TMEM114: variants seen among roughly 807,000 people sequenced by gnomAD.
The protein encoded by TMEM114 is claudin-26.
A neutral mutation model predicts 6.2 loss-of-function variants in TMEM114; 6 were observed. The observed-to-expected ratio is 0.97, with a 90% CI of 0.53 to 1.91. The LOEUF (loss-of-function observed/expected upper bound fraction) is 1.91. TMEM114 is among the 40% of genes most tolerant of loss of function. The pLI, the probability that TMEM114 is intolerant of heterozygous loss-of-function variation, is 0.01. For synonymous variants in TMEM114, 104 were observed against 73.0 expected (o/e 1.42, Z -2.16); for missense variants, 218 against 158.3 (o/e 1.38, Z -2.02).
chr16:8,577,228 C>G (rs1901970670), intron 2 of TMEM114, among the ~76,000 whole-genome samples: 1 of 152,260 alleles, frequency 6.6e-6, no homozygotes, highest in East Asian at 1.9e-4. Context: ...CTCTGCAGAT[C>G]TAATTGGCCC....
At chr16:8,583,060 C>A (rs756390713) in intron 2 of TMEM114, among the ~76,000 whole-genome samples, 1 of 152,172 alleles carries the variant, frequency 6.6e-6, no homozygotes, top group Admixed American at 6.5e-5. Context: ...TTCTCTATGT[C>A]TCCATTGCCT....
chr16:8,565,849 T>C (rs554428620), downstream of TMEM114, among the ~76,000 whole-genome samples: 1 of 152,284 alleles, frequency 6.6e-6, no homozygotes, highest in African/African-American at 2.4e-5. Context: ...GCCCCAGTGC[T>C]AGCAACTGGT....
At chr16:8,559,639 T>C (rs1901135561) in intron 2 of TMEM114, among the ~76,000 whole-genome samples, 1 of 152,178 alleles carries the variant, frequency 6.6e-6, no homozygotes, top group Non-Finnish European at 1.5e-5. Context: ...GAGTACTCTG[T>C]TAAAAGAAGC....
In TMEM114 at chr16:8,569,835, C is replaced by T. The variant is rs1282635974; in HGVS notation, c.610G>A (p.Ala204Thr). ...TCGCGGGCTGCTGCCAGGAAGGCTG[C>T]CCCGGTGAGCAGCTCGGCGATGAAG... ...ISFIAELLTGAAFLAAARELS... is the reference protein window; with the variant it reads ...ISFIAELLTGTAFLAAARELS... The change falls in exon 4 of 4, where the codon GCA becomes ACA. Residue 204 changes from alanine (A) to threonine (T), a missense_variant. Coordinates refer to ENST00000620492, the MANE Select transcript of TMEM114 (RefSeq NM_001146336.2). 2.5e-5 allele frequency: 39 copies of T among 1,550,850 alleles called. No homozygotes were observed. The highest frequency in any genetic ancestry group is 3.4e-5 in the Non-Finnish European group (39 of 1,146,954).
chr16:8,538,461 A>C (rs563130547), intron 2 of TMEM114, among the ~76,000 whole-genome samples: 43 of 152,076 alleles, frequency 2.8e-4, no homozygotes, highest in Non-Finnish European at 5.0e-4. Flanking sequence ...TGGCTGTATG[A>C]ACCTAGACAA....
At chr16:8,548,870 A>T (rs1900755206) in intron 2 of TMEM114, among the ~76,000 whole-genome samples, 1 of 152,284 alleles carries the variant, frequency 6.6e-6, no homozygotes, top group Non-Finnish European at 1.5e-5. Context: ...AGAGAGATCC[A>T]GTTGTTGCCT....
At chr16:8,549,780 G>C (rs752557727) in intron 2 of TMEM114, among the ~76,000 whole-genome samples, 22 of 152,136 alleles carry the variant, frequency 1.4e-4, no homozygotes, top group Non-Finnish European at 2.9e-4. Context: ...ACTTCTACCT[G>C]TATTAGTCAG....
the TMEM114 span, among the ~76,000 whole-genome samples, chr16:8,529,913 T>C: frequency 1.2e-3 from 180 of 152,292 alleles, 1 homozygote; most frequent in Middle Eastern, 6.8e-3. Flanking sequence ...TATGAATTAG[T>C]ATTTGCACTC....
At chr16:8,558,130 G>A (rs925762525) in intron 2 of TMEM114, among the ~76,000 whole-genome samples, 1 of 152,146 alleles carries the variant, frequency 6.6e-6, no homozygotes, top group Non-Finnish European at 1.5e-5. Context: ...GTGCATGCTT[G>A]TAATCCCAGC....
chr16:8,530,810 GGCC>G, the TMEM114 span, among the ~76,000 whole-genome samples: 1 of 152,090 alleles, frequency 6.6e-6, no homozygotes, highest in Non-Finnish European at 1.5e-5. Context: ...AATTGCTTGA[GGCC>G]AGGAGTTTGA....
intron 2 of TMEM114, among the ~76,000 whole-genome samples, chr16:8,554,835 C>G (rs555008180): frequency 6.6e-6 from 1 of 152,194 alleles, no homozygotes; most frequent in Non-Finnish European, 1.5e-5. Context: ...GATGTTAGTG[C>G]TGTCTTAAGG....
chr16:8,565,124 G>C (rs1313427346), downstream of TMEM114, among the ~76,000 whole-genome samples: 4 of 142,654 alleles, frequency 2.8e-5, no homozygotes, highest in South Asian at 2.2e-4. Flanking sequence ...TGAGTGAGTG[G>C]GTAAGCAAAT....
chr16:8,584,576 A>T (rs1567211606), intron 2 of TMEM114, among the ~76,000 whole-genome samples: 1 of 152,172 alleles, frequency 6.6e-6, no homozygotes, highest in Non-Finnish European at 1.5e-5. Context: ...CACTCTCCCA[A>T]GGTAGCTAAG....
chr16:8,537,872 C>T (rs1900405284), intron 2 of TMEM114: 1 of 152,046 alleles, frequency 6.6e-6, no homozygotes, highest in Admixed American at 6.6e-5. Context: ...ATATGAACCA[C>T]CTCCAAGATA....
chr16:8,540,020 G>T (rs374346521), intron 2 of TMEM114, among the ~76,000 whole-genome samples: 2 of 151,996 alleles, frequency 1.3e-5, no homozygotes, highest in Non-Finnish European at 1.5e-5. Context: ...GTTTCACCAC[G>T]TTGACCAGGC....
intron 2 of TMEM114, among the ~76,000 whole-genome samples, chr16:8,562,304 G>C (rs748969850): frequency 1.5e-4 from 22 of 145,054 alleles, no homozygotes; most frequent in Non-Finnish European, 2.7e-4. Flanking sequence ...GAATGAGTGA[G>C]TAAATGAGTG....
intron 2 of TMEM114, among the ~76,000 whole-genome samples, chr16:8,547,936 C>T (rs907064144): frequency 1.3e-5 from 2 of 152,178 alleles, no homozygotes; most frequent in African/African-American, 4.8e-5. Flanking sequence ...CTTTTGACCT[C>T]CAACATCTGG....
intron 2 of TMEM114, among the ~76,000 whole-genome samples, chr16:8,559,730 A>T (rs1901138451): frequency 6.6e-6 from 1 of 152,214 alleles, no homozygotes; most frequent in Non-Finnish European, 1.5e-5. Flanking sequence ...CACAAGGAGA[A>T]GGTGGCTGAG....
At chr16:8,565,496 A>C (rs1269132588), downstream of TMEM114, among the ~76,000 whole-genome samples, 1 of 152,154 alleles carries the variant, frequency 6.6e-6, no homozygotes, top group Non-Finnish European at 1.5e-5. Flanking sequence ...GAGCCTCCCC[A>C]GCAAAGGGAC....
Sources: allele counts gnomAD v4.1 joint callset (sites outside exome capture counted in the v4.1 genomes callset), GRCh38; gene constraint gnomAD v4.1.1; transcripts MANE v1.5; gene names NCBI Gene and HGNC (gene_info 2026-07-23, HGNC 2026-07-21).